CFAP47: variants seen among roughly 807,000 people sequenced by gnomAD.
CFAP47 encodes the protein cilia- and flagella-associated protein 47.
In CFAP47, 29 loss-of-function variants were observed where a neutral mutation model predicts 148.1. That is an observed-to-expected ratio of 0.20 (90% confidence interval 0.15 to 0.27). The LOEUF is 0.27. Ranked by LOEUF, CFAP47 falls within the 10% of genes least tolerant of loss-of-function variation. CFAP47 has a pLI of 1.00. For missense variants in CFAP47, 1,872 were observed against 1,697.5 expected (o/e 1.10, Z -1.81); for synonymous variants, 664 against 577.3 (o/e 1.15, Z -2.15).
intron 27 of CFAP47, 87 bp from the exon 28 acceptor site, chrX:36,071,738 A>G: frequency 1.2e-6 from 1 of 810,526 alleles, no homozygotes; most frequent in South Asian, 2.4e-5. Context: ...ACATCAATAG[A>G]TAATAGATAA....
chrX:36,104,550 A>C lies in CFAP47; in HGVS notation c.5179A>C (p.Ile1727Leu), dbSNP rs753650267. ...ATACTGCAGCAATAATATGCCCCCC[A>C]TATGTGTGCAAAATACACCAAAAGT... ...VPYCSNNMPP[I>L]CVQNTPKVNP... The change falls in exon 33 of 64, where the codon ATA (isoleucine) becomes CTA (leucine). Residue 1727 changes from isoleucine to leucine, a missense_variant. Coordinates refer to ENST00000378653, the MANE Select transcript of CFAP47 (RefSeq NM_001304548.2). The C allele has an allele frequency of 2.9e-5, 30 of 1,017,451 alleles. No homozygotes were observed. Among genetic ancestry groups the C allele is most frequent in the Non-Finnish European group, 4.1e-5 (30 of 734,105 alleles). The allele number at this position is 1,017,451 out of a possible 1,213,427, so 83.8% of individuals were successfully genotyped here.
Position 36,014,954 on chromosome X carries a change from G to T in CFAP47, c.3556+42G>T, listed in dbSNP as rs537272783. 41 of 286,578 alleles carry T rather than the reference G, an allele frequency of 1.4e-4. No homozygotes were observed. In the South Asian group the frequency reaches 3.5e-3, roughly 24 times the overall value. 23.6% of individuals were successfully genotyped at this position (286,578 alleles called of 1,213,427 possible). On this transcript the variant is annotated intron_variant, in intron 22 of 63. Transcript: ENST00000378653. ...AATCAATTGGTGTGGGTAGGCCAAAGATTTACACTTAAGTGTCTAAAAGAT... is the reference window on the plus strand; with the variant it reads ...AATCAATTGGTGTGGGTAGGCCAAATATTTACACTTAAGTGTCTAAAAGAT...
At chrX:36,364,505 G>A (rs1468252802) in intron 61 of CFAP47, among the ~76,000 whole-genome samples, 1 of 109,526 alleles carries the variant, frequency 9.1e-6, no homozygotes, top group Admixed American at 9.8e-5. Flanking sequence ...TTTAAAGGAT[G>A]CACATCAGAT....
chrX:36,070,496 C>CTT (rs34621358), intron 27 of CFAP47, among the ~76,000 whole-genome samples: 113 of 91,187 alleles, frequency 1.2e-3, no homozygotes, highest in African/African-American at 4.0e-3. Context: ...TTTTCTTTTC[C>CTT]TTTTTTTTTT....
chrX:35,947,118 A>G (rs1291719827), intron 3 of CFAP47, among the ~76,000 whole-genome samples: 1 of 112,033 alleles, frequency 8.9e-6, no homozygotes, highest in Non-Finnish European at 1.9e-5. Flanking sequence ...CTGTGGTCAG[A>G]AATATCCAAG....
chrX:36,181,488 G>C (rs752191047), intron 40 of CFAP47, among the ~76,000 whole-genome samples: 31 of 111,882 alleles, frequency 2.8e-4, no homozygotes, highest in African/African-American at 1.0e-3. Flanking sequence ...ATGAAATATA[G>C]CTTAAGAAGT....
Position 36,371,631 on chromosome X carries a change from T to C in CFAP47, c.9185+4504T>C, listed in dbSNP as rs187344253. ...TGTGTATATATGTGTAATATATGTGTATATACACACATATGTGTATATATG... is the reference window on the plus strand; with the variant it reads ...TGTGTATATATGTGTAATATATGTGCATATACACACATATGTGTATATATG... On this transcript the variant is annotated intron_variant, in intron 62 of 63. Coordinates refer to ENST00000378653, the MANE Select transcript of CFAP47 (RefSeq NM_001304548.2). 4.7e-4 allele frequency among the ~76,000 whole-genome samples: 42 copies of C among 89,225 alleles called. 3 individuals are homozygous for C. The highest frequency in any genetic ancestry group is 1.6e-3 in the African/African-American group (39 of 24,275). The allele number at this position is 89,225 out of a possible 115,157, so 77.5% of individuals were successfully genotyped here.
At chrX:36,339,105 C>T (rs73629602) in intron 57 of CFAP47, among the ~76,000 whole-genome samples, 2 of 111,912 alleles carry the variant, frequency 1.8e-5, no homozygotes, top group Non-Finnish European at 3.8e-5. Flanking sequence ...AATGATTAAA[C>T]AGAAGAATAA....
At chrX:36,265,442 T>C (rs1940879463) in intron 49 of CFAP47, among the ~76,000 whole-genome samples, 1 of 111,893 alleles carries the variant, frequency 8.9e-6, no homozygotes, top group Non-Finnish European at 1.9e-5. Context: ...CAGTATTATG[T>C]TGAAGAGGAG....
At position 35,989,302 on chromosome X, in the gene CFAP47, C is replaced by G. The variant is rs1569226171; in HGVS notation, c.2714-17C>G. On this transcript the variant is annotated splice_polypyrimidine_tract_variant and intron_variant, in intron 15 of 63. Transcript: ENST00000378653. ...AAATGTGGAAAATGTCTTATTTTCT[C>G]TCTACATTTTCCGTAGGCACTGTTG... 5 of 1,128,480 alleles carry G rather than the reference C, an allele frequency of 4.4e-6. No homozygotes were observed. Among genetic ancestry groups the G allele is most frequent in the Non-Finnish European group, 6.1e-6 (5 of 823,657 alleles). The allele number at this position is 1,128,480 out of a possible 1,213,427, so 93.0% of individuals were successfully genotyped here.
chrX:36,056,779 T>C (rs1346828164), intron 26 of CFAP47, among the ~76,000 whole-genome samples: 1 of 112,048 alleles, frequency 8.9e-6, no homozygotes, highest in East Asian at 2.8e-4. Context: ...CCACCTTGAC[T>C]AAGGTGACAC....
At chrX:36,001,552 A>G in intron 20 of CFAP47, 61 bp from the exon 21 acceptor site, 1 of 282,976 alleles carries the variant, frequency 3.5e-6, no homozygotes, top group Non-Finnish European at 6.2e-6. Context: ...AGCCCTGCAC[A>G]AATATTTTAG....
intron 51 of CFAP47, among the ~76,000 whole-genome samples, chrX:36,291,446 C>T (rs1490588077): frequency 9.0e-6 from 1 of 111,214 alleles, no homozygotes; most frequent in Non-Finnish European, 1.9e-5. Context: ...ATCAACATCA[C>T]AGCTATCTGA....
intron 56 of CFAP47, among the ~76,000 whole-genome samples, chrX:36,315,157 T>C (rs1463739596): frequency 1.8e-5 from 2 of 112,519 alleles, no homozygotes; most frequent in Non-Finnish European, 3.7e-5. Flanking sequence ...CTTACCTGTA[T>C]TCCTGATATT....
chrX:35,985,385 G>T (rs942464350), intron 15 of CFAP47, among the ~76,000 whole-genome samples: 5 of 111,243 alleles, frequency 4.5e-5, no homozygotes, highest in African/African-American at 1.6e-4. Flanking sequence ...GGACACTAAT[G>T]CCAGCAGGGG....
At chrX:36,366,892 A>G in intron 61 of CFAP47, 74 bp from the exon 62 acceptor site, 1 of 603,133 alleles carries the variant, frequency 1.7e-6, no homozygotes, top group Non-Finnish European at 2.4e-6. Context: ...TTTTTACCTT[A>G]GTTTAGTTTG....
At chrX:36,141,213 G>A (rs1939134457) in intron 35 of CFAP47, among the ~76,000 whole-genome samples, 1 of 110,477 alleles carries the variant, frequency 9.1e-6, no homozygotes, top group African/African-American at 3.3e-5. Context: ...GAACACAGAA[G>A]AGCTGGTGGC....
At position 36,353,538 on chromosome X, in the gene CFAP47, A is replaced by G. The variant is rs1556017868; in HGVS notation, c.8708A>G (p.Gln2903Arg). 1 of 1,163,874 alleles carries G rather than the reference A, an allele frequency of 8.6e-7. No individual in the cohort carries two copies. Among genetic ancestry groups the G allele is most frequent in the South Asian group, 1.9e-5 (1 of 52,218 alleles). The change falls in exon 60 of 64, where the codon CAA (glutamine) becomes CGA (arginine). Residue 2903 changes from glutamine to arginine, a missense_variant. Gln to Arg is a conservative substitution (Grantham distance 43). Coordinates refer to ENST00000378653, the MANE Select transcript of CFAP47 (RefSeq NM_001304548.2). ...TATTTCTCTCCTGCAGTTGTCATAC[A>G]ATGTCAGTCCAGGAAGCGGGCAGAA... ...PPPKSPPVVIQCQSRKRAEEK... is the reference protein window; with the variant it reads ...PPPKSPPVVIRCQSRKRAEEK...
intron 2 of CFAP47, among the ~76,000 whole-genome samples, chrX:35,939,998 G>C (rs1451257916): frequency 9.1e-6 from 1 of 110,074 alleles, no homozygotes; most frequent in Admixed American, 9.7e-5. Context: ...TAACTGGTGT[G>C]AGATGGTATC....
Sources: gnomAD v4.1 joint callset for allele counts (sites outside exome capture counted in the v4.1 genomes callset) on GRCh38, gnomAD v4.1.1 for gene constraint, MANE v1.5 for transcripts, NCBI Gene and HGNC (gene_info 2026-07-23, HGNC 2026-07-21) for gene names.